The following CPAMD8 variants were observed in gnomAD, a reference collection of about 807,000 sequenced individuals.
The protein encoded by CPAMD8 is C3 and PZP like alpha-2-macroglobulin domain containing 8, also known as C3 and PZP-like alpha-2-macroglobulin domain-containing protein 8.
CPAMD8 carries 146 observed loss-of-function variants against 224.7 expected under a neutral mutation model. The ratio of observed to expected loss-of-function variants is 0.65; its 90% confidence interval spans 0.57 to 0.75. The LOEUF is 0.75. Ranked by LOEUF, CPAMD8 falls within the 30% of genes least tolerant of loss-of-function variation. CPAMD8 has a pLI of 0.00. For missense variants in CPAMD8, 2,301 were observed against 2,537.5 expected (o/e 0.91, Z 2.00); for synonymous variants, 966 against 1,044.6 (o/e 0.92, Z 1.45).
At position 16,903,825 on chromosome 19, in the gene CPAMD8, T is replaced by C. The variant is rs1278477647; in HGVS notation, c.4284A>G (p.Glu1428=). ...CTCCAGCATAGGACAAGATGGCATATTCAGCCAAGGCCTGCAGAGCCACGC... is the reference window on the plus strand; with the variant it reads ...CTCCAGCATAGGACAAGATGGCATACTCAGCCAAGGCCTGCAGAGCCACGC... ...DTCVALQALA[E]YAILSYAGGI... is the part of the protein sequence containing the mutation. Residue 1428 remains glutamate (E), a synonymous_variant, in exon 33 of 42, where the codon GAA becomes GAG. Coordinates refer to ENST00000443236, the MANE Select transcript of CPAMD8 (RefSeq NM_015692.5). 3 of 1,614,074 alleles carry C rather than the reference T, an allele frequency of 1.9e-6. No homozygotes were observed. The highest frequency in any genetic ancestry group is 1.1e-5 in the South Asian group (1 of 91,082).
In CPAMD8 at chr19:16,922,032, C is replaced by T. The variant is rs1020198007; in HGVS notation, c.3548-46G>A. 13 of 1,368,366 alleles carry T rather than the reference C, an allele frequency of 9.5e-6. No homozygotes were observed. In the African/African-American group the frequency reaches 1.3e-4, roughly 14 times the overall value. The allele number at this position is 1,368,366 out of a possible 1,614,324, so 84.8% of individuals were successfully genotyped here. On this transcript the variant is annotated intron_variant, in intron 26 of 41. Coordinates refer to ENST00000443236, the MANE Select transcript of CPAMD8 (RefSeq NM_015692.5). ...ACCCTGTCCTGTTGAGTGGCCTGGC[C>T]CAGGCCCGCCCCCAGGGACCTACAC...
intron 27 of CPAMD8, 92 bp downstream of exon 27, chr19:16,921,813 C>G (rs1029836179): frequency 8.9e-6 from 7 of 787,702 alleles, no homozygotes; most frequent in Admixed American, 2.3e-5. Flanking sequence ...GGGGATCAGG[C>G]GCCAAGTGAT....
intron 18 of CPAMD8, 146 bp from the exon 19 acceptor site, chr19:16,958,061 T>C: frequency 1.4e-6 from 1 of 706,516 alleles, no homozygotes; most frequent in South Asian, 1.8e-5. Context: ...CACTGGGATA[T>C]AACATGTTAA....
chr19:16,929,334 G>T, intron 23 of CPAMD8, 94 bp from the exon 24 acceptor site: 1 of 1,008,734 alleles, frequency 9.9e-7, no homozygotes, highest in Non-Finnish European at 1.5e-6. Flanking sequence ...AGGACCACAA[G>T]GAGTGGGTCT....
intron 3 of CPAMD8, among the ~76,000 whole-genome samples, chr19:17,012,138 C>A (rs1212085028): frequency 6.6e-6 from 1 of 152,028 alleles, no homozygotes; most frequent in Non-Finnish European, 1.5e-5. Flanking sequence ...CCCACCTCAG[C>A]CTCCTGAGTA....
Position 17,020,355 on chromosome 19 carries a change from TA to T in CPAMD8, c.245-3del. ...CCTTGAGTTTGATTGTCCCTTTATC[TA>T]AAAATGAAAATAAAATGAAAAAAGT... On this transcript the variant is annotated splice_region_variant and splice_polypyrimidine_tract_variant and intron_variant, in intron 2 of 41. Transcript: ENST00000443236. 6.3e-7 allele frequency: 1 copy of T among 1,579,826 alleles called. No homozygotes were observed. The highest frequency in any genetic ancestry group is 8.7e-7 in the Non-Finnish European group (1 of 1,149,570).
At chr19:16,907,988 C>G (rs1014312471) in intron 29 of CPAMD8, among the ~76,000 whole-genome samples, 89 of 152,294 alleles carry the variant, frequency 5.8e-4, no homozygotes, top group African/African-American at 2.1e-3. Flanking sequence ...CAAATGAGCA[C>G]AGTGATACTC....
intron 29 of CPAMD8, among the ~76,000 whole-genome samples, chr19:16,911,692 C>T (rs565690136): frequency 1.3e-5 from 2 of 152,156 alleles, no homozygotes; most frequent in East Asian, 3.9e-4. Flanking sequence ...ACTACAGGCG[C>T]CTGCCACCAT....
chr19:16,992,734 G>A (rs1261560070), intron 12 of CPAMD8, among the ~76,000 whole-genome samples: 3 of 152,140 alleles, frequency 2.0e-5, no homozygotes, highest in African/African-American at 7.2e-5. Context: ...TTACAAGCAT[G>A]AGCCACTGTG....
chr19:16,999,787 T>C (rs957082889), intron 10 of CPAMD8, among the ~76,000 whole-genome samples: 5 of 152,158 alleles, frequency 3.3e-5, no homozygotes, highest in Non-Finnish European at 7.3e-5. Flanking sequence ...TATTAAGAGC[T>C]GGGACTCCAG....
At chr19:16,922,197 T>C (rs889295924) in intron 26 of CPAMD8, among the ~76,000 whole-genome samples, 1 of 151,886 alleles carries the variant, frequency 6.6e-6, no homozygotes, top group Non-Finnish European at 1.5e-5. Flanking sequence ...ATACCACATG[T>C]GGGGTTCTTG....
chr19:16,981,465 A>G (rs1448096411), intron 13 of CPAMD8, among the ~76,000 whole-genome samples: 5 of 152,196 alleles, frequency 3.3e-5, no homozygotes, highest in African/African-American at 9.7e-5. Flanking sequence ...GTTGGGTCCT[A>G]TCATAGTCCC....
intron 20 of CPAMD8, among the ~76,000 whole-genome samples, chr19:16,950,677 C>T: frequency 6.6e-6 from 1 of 151,118 alleles, no homozygotes; most frequent in East Asian, 1.9e-4. Context: ...CCTGTAGTCC[C>T]ATCTACTTGA....
intron 2 of CPAMD8, among the ~76,000 whole-genome samples, chr19:17,021,808 GAGGA>G (rs995716950): frequency 1.3e-5 from 2 of 152,224 alleles, no homozygotes; most frequent in Admixed American, 1.3e-4. Flanking sequence ...CAGGGCTGCT[GAGGA>G]CCCATGAGCT....
rs73505520 is a variant in CPAMD8 at position 16,980,047 on chromosome 19, A to G, written c.1585+450T>C. ...ACTCTGGAGTGATCCACCCCCTTAT[A>G]TATGTCTATAGTGCTCAAGTTGGGG... On this transcript the variant is annotated intron_variant, in intron 14 of 41. Transcript: ENST00000443236. 9.1e-3 allele frequency among the ~76,000 whole-genome samples: 1,382 copies of G among 152,130 alleles called. 24 individuals carry two copies. Among genetic ancestry groups the G allele is most frequent in the African/African-American group, 0.032 (1,313 of 41,512 alleles).
intron 13 of CPAMD8, among the ~76,000 whole-genome samples, chr19:16,986,138 G>A (rs73505546): frequency 0.014 from 2,164 of 152,134 alleles, 51 homozygotes; most frequent in African/African-American, 0.049. Context: ...CAGAAGGATG[G>A]GTGCCAAGAT....
chr19:16,895,923 A>ACG (rs747910762), intron 41 of CPAMD8: 105 of 595,078 alleles, frequency 1.8e-4, no homozygotes, highest in South Asian at 1.1e-3. Flanking sequence ...ACACACACAC[A>ACG]CACACGCGCG....
chr19:16,987,179 A>AAATATATATATATATATAT (rs1555784836), intron 13 of CPAMD8, among the ~76,000 whole-genome samples: 1 of 53,908 alleles, frequency 1.9e-5, no homozygotes, highest in Non-Finnish European at 2.9e-5. Context: ...AAAAAAAAAA[A>AAATATATATATATATATAT]ATATATATAT....
In CPAMD8 at chr19:16,928,166, C is replaced by T. The variant is rs767034505; in HGVS notation, c.3213G>A (p.Glu1071=). The T allele has an allele frequency of 5.0e-6, 8 of 1,614,188 alleles. No homozygotes were observed. The highest frequency in any genetic ancestry group is 6.8e-6 in the Non-Finnish European group (8 of 1,180,042). The change falls in exon 25 of 42, where the codon GAG becomes GAA. Residue 1071 remains glutamate (E), a synonymous_variant. Coordinates refer to ENST00000443236, the MANE Select transcript of CPAMD8 (RefSeq NM_015692.5). ...IVAWTLPRPP[E]VQFIGFSTGW... is the part of the protein sequence containing the mutation. ...CGGTGGAAAAGCCAATGAACTGGAC[C>T]TCTGGTGGCCTCGGGAGGGTCCAGG...
Sources: gnomAD v4.1 joint callset for allele counts (sites outside exome capture counted in the v4.1 genomes callset) on GRCh38, gnomAD v4.1.1 for gene constraint, MANE v1.5 for transcripts, NCBI Gene and HGNC (gene_info 2026-07-23, HGNC 2026-07-21) for gene names.